The following ZNF395 variants were observed in gnomAD, a reference collection of about 807,000 sequenced individuals.
ZNF395 encodes the protein HD gene regulatory region-binding protein 2.
Under a neutral mutation model 57.7 loss-of-function variants are expected in ZNF395, and 20 were observed. That is an observed-to-expected ratio of 0.35 (90% CI 0.24 to 0.50). ZNF395 has a LOEUF of 0.50. Among genes scored for constraint, ZNF395 ranks in the 20% least tolerant of loss-of-function variants. The probability of loss-of-function intolerance (pLI) is 0.97; values close to 1 mark genes in which losing one functional copy is unlikely to be tolerated. For synonymous variants in ZNF395, 295 were observed against 275.9 expected (o/e 1.07, Z -0.69); for missense variants, 606 against 671.2 (o/e 0.90, Z 1.07).
intron 1 of ZNF395, among the ~76,000 whole-genome samples, chr8:28,370,679 A>G (rs911786045): frequency 3.3e-5 from 5 of 152,212 alleles, no homozygotes; most frequent in Non-Finnish European, 5.9e-5. Context: ...CCGAGTTTTC[A>G]GAGAAGGAAG....
chr8:28,376,676 G>A (rs1050032432), intron 1 of ZNF395, among the ~76,000 whole-genome samples: 1 of 151,822 alleles, frequency 6.6e-6, no homozygotes, highest in African/African-American at 2.4e-5. Context: ...ACTATATGTA[G>A]CCCAGGGAAC....
intron 1 of ZNF395, among the ~76,000 whole-genome samples, chr8:28,364,648 C>T (rs532324848): frequency 3.8e-4 from 52 of 135,296 alleles, no homozygotes; most frequent in African/African-American, 1.0e-3. Context: ...AGTGAGACTC[C>T]GTCTCAAAAA....
rs2129931863 is a variant in ZNF395, at chr8:28,347,929, C to T, written c.*790G>A. 6.6e-6 allele frequency: 1 copy of T among 152,252 alleles called. No individual in the cohort carries two copies. Among genetic ancestry groups the T allele is most frequent in the East Asian group, 1.9e-4 (1 of 5,186 alleles). The allele number at this position is 152,252 out of a possible 1,614,324, so 9.4% of individuals were successfully genotyped here. A position where few individuals can be genotyped will look rare whatever the true frequency, so the allele number is the denominator to read the frequency against. On this transcript the variant is annotated 3_prime_UTR_variant, in exon 10 of 10. Transcript: ENST00000344423. ...ACGCTCAAACCCTCCAGGAGTTCCT[C>T]GAGGAAAGAGGAGAGAATGATCAAG... is the stretch of plus-strand genomic sequence containing the variant.
At position 28,356,182 on chromosome 8, in the gene ZNF395, A is replaced by G. The variant is rs558939600; in HGVS notation, c.583+488T>C. Among the ~76,000 whole-genome samples, 557 of 152,302 alleles carry G rather than the reference A, an allele frequency of 3.7e-3. 3 individuals are homozygous for G. Among genetic ancestry groups the G allele is most frequent in the Non-Finnish European group, 5.4e-3 (365 of 68,030 alleles). ...GTTGAATCACTGGTTTTTATTAAGC[A>G]ATTAGATTTACTTTAGAATTTAGCT... On this transcript the variant is annotated intron_variant, in intron 4 of 9. Coordinates refer to ENST00000344423, the MANE Select transcript of ZNF395 (RefSeq NM_018660.3). This position sits in a 1 kb window ranked among gnomAD's most constrained non-coding sequence, Gnocchi z 4.0.
chr8:28,384,302 G>C (rs995218239), intron 1 of ZNF395, among the ~76,000 whole-genome samples: 13 of 152,154 alleles, frequency 8.5e-5, no homozygotes, highest in African/African-American at 3.1e-4. Context: ...ATCTCCTACT[G>C]TTCAGGATAC....
chr8:28,367,975 A>C (rs1801931465), intron 1 of ZNF395, among the ~76,000 whole-genome samples: 1 of 152,244 alleles, frequency 6.6e-6, no homozygotes. Flanking sequence ...CTATGCTGAC[A>C]GATGTCTGGG....
chr8:28,379,412 C>T (rs1802083039), intron 1 of ZNF395, among the ~76,000 whole-genome samples: 1 of 152,172 alleles, frequency 6.6e-6, no homozygotes, highest in African/African-American at 2.4e-5. Context: ...TGTGCGTAGA[C>T]CCAGCCACTT....
At chr8:28,381,158 C>T (rs1488087498) in intron 1 of ZNF395, among the ~76,000 whole-genome samples, 1 of 152,166 alleles carries the variant, frequency 6.6e-6, no homozygotes, top group African/African-American at 2.4e-5. Flanking sequence ...TCTCTTGCCT[C>T]AGCCTCCCGA....
intron 3 of ZNF395, among the ~76,000 whole-genome samples, chr8:28,357,657 G>A (rs1016404823): frequency 1.3e-5 from 2 of 152,214 alleles, no homozygotes; most frequent in African/African-American, 4.8e-5. Flanking sequence ...AAACACATTA[G>A]CACCTCTGTT....
intron 1 of ZNF395, among the ~76,000 whole-genome samples, chr8:28,385,851 A>G (rs1415126776): frequency 1.8e-4 from 26 of 142,798 alleles, no homozygotes; most frequent in Non-Finnish European, 3.7e-4. Flanking sequence ...GCCCTGCCGC[A>G]GCGTCCCGCG....
At chr8:28,361,848 T>C (rs1260315886) in intron 1 of ZNF395, among the ~76,000 whole-genome samples, 1 of 152,052 alleles carries the variant, frequency 6.6e-6, no homozygotes, top group African/African-American at 2.4e-5. Flanking sequence ...TCCCAACACT[T>C]TGGGAGGCTG....
intron 1 of ZNF395, among the ~76,000 whole-genome samples, chr8:28,376,647 C>A (rs1802044330): frequency 6.6e-6 from 1 of 151,988 alleles, no homozygotes; most frequent in African/African-American, 2.4e-5. Context: ...GCATGTTAGC[C>A]CAACTTTCCC....
intron 1 of ZNF395, among the ~76,000 whole-genome samples, chr8:28,382,447 T>C (rs1265369130): frequency 4.6e-5 from 7 of 152,110 alleles, no homozygotes; most frequent in South Asian, 2.1e-4. Flanking sequence ...CACACAATCA[T>C]AGACTTTACA....
chr8:28,369,100 T>C (rs1585860598), intron 1 of ZNF395, among the ~76,000 whole-genome samples: 1 of 151,546 alleles, frequency 6.6e-6, no homozygotes, highest in South Asian at 2.1e-4. Context: ...CCTCCCAAAG[T>C]GCTGGGATTA....
intron 1 of ZNF395, among the ~76,000 whole-genome samples, chr8:28,370,606 G>A (rs1398400163): frequency 3.3e-5 from 5 of 152,206 alleles, no homozygotes; most frequent in South Asian, 2.1e-4. Flanking sequence ...TGGTGAGGAC[G>A]TTCTGAGCCC....
intron 8 of ZNF395, 109 bp from the exon 9 acceptor site, chr8:28,349,337 C>T: frequency 3.9e-6 from 3 of 763,206 alleles, no homozygotes; most frequent in Non-Finnish European, 5.9e-6. Context: ...CAGAAGGCCT[C>T]GCACCTTCTC....
intron 1 of ZNF395, among the ~76,000 whole-genome samples, chr8:28,383,539 T>C (rs992938080): frequency 6.6e-6 from 1 of 152,128 alleles, no homozygotes; most frequent in African/African-American, 2.4e-5. Context: ...CAATCCACCC[T>C]CGAGATTAGA....
At chr8:28,382,935 T>C (rs559640023) in intron 1 of ZNF395, among the ~76,000 whole-genome samples, 2 of 152,284 alleles carry the variant, frequency 1.3e-5, no homozygotes, top group East Asian at 3.9e-4. Flanking sequence ...AGGTACTTTA[T>C]GAACTTAGAT....
intron 7 of ZNF395, 49 bp downstream of exon 7, chr8:28,351,446 G>C (rs761437219): frequency 3.3e-6 from 5 of 1,520,264 alleles, no homozygotes; most frequent in Middle Eastern, 1.8e-4. Flanking sequence ...AAGCTGGCCC[G>C]TGATGAGTCA....
Sources: gnomAD v4.1 joint callset for allele counts (sites outside exome capture counted in the v4.1 genomes callset) on GRCh38, gnomAD v4.1.1 for gene constraint, Gnocchi (gnomAD v3.1) non-coding constraint, MANE v1.5 for transcripts, NCBI Gene and HGNC (gene_info 2026-07-23, HGNC 2026-07-21) for gene names.